CCSER1: variants seen among roughly 807,000 people sequenced by gnomAD.
The protein encoded by CCSER1 is coiled-coil serine rich protein 1.
Under a neutral mutation model 82.0 loss-of-function variants are expected in CCSER1, and 41 were observed. The ratio of observed to expected loss-of-function variants is 0.50; its 90% CI spans 0.39 to 0.65. The LOEUF (loss-of-function observed/expected upper bound fraction) is 0.65. Among genes scored for constraint, CCSER1 ranks in the 30% least tolerant of loss-of-function variants. The probability of loss-of-function intolerance (pLI) is 0.00; values close to 1 mark genes in which losing one functional copy is unlikely to be tolerated. For synonymous variants in CCSER1, 414 were observed against 383.9 expected (o/e 1.08, Z -0.92); for missense variants, 1,119 against 1,064.2 (o/e 1.05, Z -0.72).
chr4:91,079,766 G>T (rs554301453), intron 9 of CCSER1, among the ~76,000 whole-genome samples: 1 of 151,968 alleles, frequency 6.6e-6, no homozygotes, highest in South Asian at 2.1e-4. Flanking sequence ...AGGGGTTGCC[G>T]TCCTAGTCTC....
chr4:90,673,330 T>A lies in CCSER1; in HGVS notation c.1932+45098T>A, dbSNP rs116134655. 4.9e-3 allele frequency among the ~76,000 whole-genome samples: 740 copies of A among 152,074 alleles called. 6 individuals carry two copies. Among genetic ancestry groups the A allele is most frequent in the African/African-American group, 0.017 (694 of 41,538 alleles). ...TTGAGCTTGAAAATTATGTTTAAAC[T>A]TAAACTTTTAAGTGTCCCTTCTCTG... On this transcript the variant is annotated intron_variant, in intron 6 of 10. Coordinates refer to ENST00000509176, the MANE Select transcript of CCSER1 (RefSeq NM_001145065.2).
At chr4:90,920,977 A>G (rs528676594) in intron 8 of CCSER1, among the ~76,000 whole-genome samples, 2 of 151,866 alleles carry the variant, frequency 1.3e-5, no homozygotes, top group Non-Finnish European at 1.5e-5. Flanking sequence ...CTTTGTTTCT[A>G]TATCTCTGAT....
At chr4:91,310,923 A>G (rs766441032) in intron 10 of CCSER1, among the ~76,000 whole-genome samples, 3 of 151,950 alleles carry the variant, frequency 2.0e-5, no homozygotes, top group Non-Finnish European at 4.4e-5. Context: ...AATTCTTCCA[A>G]TGTGGCCTAG....
rs560529170 is a variant in CCSER1, at chr4:90,927,895, T to C, written c.2172+4448T>C. Among the ~76,000 whole-genome samples the C allele has an allele frequency of 7.9e-4, 120 of 152,202 alleles. 1 individual carries two copies. The highest frequency in any genetic ancestry group is 1.4e-3 in the Non-Finnish European group (96 of 67,916). Reference sequence around the variant, plus strand: ...GAAGTGTTTTTTGTGCTTGTGCTAATGTATTATGTCTGCCTGTGGATTAAG... The same window carrying C: ...GAAGTGTTTTTTGTGCTTGTGCTAACGTATTATGTCTGCCTGTGGATTAAG... On this transcript the variant is annotated intron_variant, in intron 9 of 10. Coordinates refer to ENST00000509176, the MANE Select transcript of CCSER1 (RefSeq NM_001145065.2).
At chr4:90,310,142 A>G (rs1735042473) in intron 2 of CCSER1, among the ~76,000 whole-genome samples, 1 of 152,138 alleles carries the variant, frequency 6.6e-6, no homozygotes, top group Admixed American at 6.6e-5. Context: ...TCTAGATACA[A>G]TAACAGAATT....
intron 4 of CCSER1, among the ~76,000 whole-genome samples, chr4:90,427,261 G>A (rs1757651789): frequency 6.6e-6 from 1 of 151,706 alleles, no homozygotes; most frequent in Non-Finnish European, 1.5e-5. Flanking sequence ...ATTAAATTAT[G>A]TTAAAAAATA....
chr4:90,409,726 A>C (rs1022099294), intron 4 of CCSER1, among the ~76,000 whole-genome samples: 1 of 152,172 alleles, frequency 6.6e-6, no homozygotes, highest in Non-Finnish European at 1.5e-5. Flanking sequence ...CATCAACTAA[A>C]GAGCAAAATA....
intron 6 of CCSER1, among the ~76,000 whole-genome samples, chr4:90,719,118 G>A (rs897989556): frequency 6.6e-6 from 1 of 152,084 alleles, no homozygotes; most frequent in Non-Finnish European, 1.5e-5. Context: ...GGGCGAGTGA[G>A]CTAAGCTTCA....
chr4:90,848,661 T>G (rs1763490053), intron 8 of CCSER1, among the ~76,000 whole-genome samples: 1 of 152,110 alleles, frequency 6.6e-6, no homozygotes, highest in Non-Finnish European at 1.5e-5. Context: ...GCATTACCTT[T>G]CCCCATGATA....
intron 5 of CCSER1, among the ~76,000 whole-genome samples, chr4:90,574,882 T>C (rs549610100): frequency 2.0e-5 from 3 of 152,282 alleles, no homozygotes; most frequent in Admixed American, 2.0e-4. Context: ...GTCTGATGAA[T>C]GTTTTTCTCC....
At position 90,309,437 on chromosome 4, in the gene CCSER1, A is replaced by G. The variant is rs1464011518; in HGVS notation, c.1153A>G (p.Met385Val). The change falls in exon 2 of 11, where the codon ATG (methionine) becomes GTG (valine). Residue 385 changes from methionine (M) to valine (V), a missense_variant. Physicochemically the swap from Met to Val is conservative, Grantham distance 21. Coordinates refer to ENST00000509176, the MANE Select transcript of CCSER1 (RefSeq NM_001145065.2). Reference protein sequence around the residue: ...ENIGLQNGETMLGTNSPRKLG... With the variant: ...ENIGLQNGETVLGTNSPRKLG... ...TATAGGGTTACAAAATGGTGAAACA[A>G]TGCTGGGGACAAACTCCCCAAGGAA... 2.5e-6 allele frequency: 4 copies of G among 1,613,756 alleles called. No homozygotes were observed. The African/African-American group carries it at 4.0e-5, about 16-fold the overall frequency.
At chr4:91,384,081 T>C (rs556724279) in intron 10 of CCSER1, among the ~76,000 whole-genome samples, 4 of 152,116 alleles carry the variant, frequency 2.6e-5, no homozygotes, top group Admixed American at 6.6e-5. Context: ...ATTTTTTTTG[T>C]GAATGTTTCC....
At chr4:91,229,288 C>CAAAAA in intron 10 of CCSER1, among the ~76,000 whole-genome samples, 1 of 138,192 alleles carries the variant, frequency 7.2e-6, no homozygotes, top group Non-Finnish European at 1.6e-5. Flanking sequence ...CAAAAACCTG[C>CAAAAA]AAAAAAAAAA....
chr4:91,310,915 T>C (rs1195140386), intron 10 of CCSER1, among the ~76,000 whole-genome samples: 1 of 151,916 alleles, frequency 6.6e-6, no homozygotes, highest in East Asian at 1.9e-4. Flanking sequence ...TCCATGACAA[T>C]TCTTCCAATG....
At chr4:90,203,165 T>C (rs1312302425) in intron 1 of CCSER1, among the ~76,000 whole-genome samples, 4 of 152,202 alleles carry the variant, frequency 2.6e-5, no homozygotes, top group African/African-American at 9.6e-5. Context: ...TACTTTTAAA[T>C]ATTTAATCGT....
At chr4:91,531,393 T>C (rs1761021169) in intron 10 of CCSER1, among the ~76,000 whole-genome samples, 1 of 152,220 alleles carries the variant, frequency 6.6e-6, no homozygotes, top group South Asian at 2.1e-4. Context: ...GCCTATCTTG[T>C]AGTATCAGTG....
At chr4:91,582,621 T>C (rs775738698) in intron 10 of CCSER1, among the ~76,000 whole-genome samples, 1 of 151,602 alleles carries the variant, frequency 6.6e-6, no homozygotes, top group Non-Finnish European at 1.5e-5. Flanking sequence ...ATAGGTCATA[T>C]TGACTATCTA....
intron 4 of CCSER1, among the ~76,000 whole-genome samples, chr4:90,435,522 G>A (rs1047638859): frequency 1.3e-5 from 2 of 152,026 alleles, no homozygotes; most frequent in African/African-American, 4.8e-5. Flanking sequence ...TTTATCTCTT[G>A]AGTAAAAGAA....
intron 1 of CCSER1, among the ~76,000 whole-genome samples, chr4:90,160,280 A>G (rs931723182): frequency 3.3e-5 from 5 of 152,222 alleles, no homozygotes; most frequent in African/African-American, 1.2e-4. Flanking sequence ...GGTCAGGGCT[A>G]AACTGGCTGA....
Sources: allele counts gnomAD v4.1 joint callset (sites outside exome capture counted in the v4.1 genomes callset), GRCh38; gene constraint gnomAD v4.1.1; transcripts MANE v1.5; gene names NCBI Gene and HGNC (gene_info 2026-07-23, HGNC 2026-07-21).